RPS17: variants seen among roughly 807,000 people sequenced by gnomAD.
RPS17 encodes ribosomal protein S17.
For synonymous variants in RPS17, 75 were observed against 65.6 expected (o/e 1.14, Z -0.70); for missense variants, 68 against 182.3 (o/e 0.37, Z 3.61).
intron 4 of RPS17, chr15:82,538,029 G>A (rs1045948933): frequency 2.6e-5 from 13 of 508,464 alleles, no homozygotes; most frequent in Non-Finnish European, 4.3e-5. Flanking sequence ...CACAAAGGGG[G>A]CAACGTAAGC....
rs2150887104 is a variant in RPS17 at position 82,537,696 on chromosome 15, G to T, written c.327+610C>A. On this transcript the variant is annotated intron_variant, in intron 4 of 4. Transcript: ENST00000647841. ...GTAGCTGTACTGGTGATGTTTTTCT[G>T]AAGCTGGGAAAGTACATGTGAGTTC... 39 of 369,140 alleles carry T rather than the reference G, an allele frequency of 1.1e-4. 2 individuals carry two copies. The highest frequency in any genetic ancestry group is 8.1e-4 in the South Asian group (39 of 48,136). 22.9% of individuals were successfully genotyped at this position (369,140 alleles called of 1,614,324 possible). A position where few individuals can be genotyped will look rare whatever the true frequency, so the allele number is the denominator to read the frequency against.
At chr15:82,540,313 T>C (rs2034327412) in intron 1 of RPS17, 113 bp downstream of exon 1, 13 of 1,582,356 alleles carry the variant, frequency 8.2e-6, no homozygotes, top group South Asian at 2.3e-5. Context: ...CGCTCCAGCC[T>C]GACAGGGCTC....
intron 4 of RPS17, 108 bp from the exon 5 acceptor site, chr15:82,536,989 A>G (rs2034250693): frequency 1.5e-6 from 2 of 1,326,286 alleles, no homozygotes; most frequent in East Asian, 4.6e-5. Context: ...GGGGGTCCAG[A>G]GGCGACCTGA....
intron 4 of RPS17, chr15:82,537,905 T>C (rs983693481): frequency 4.6e-4 from 211 of 457,662 alleles, no homozygotes; most frequent in African/African-American, 4.0e-3. Flanking sequence ...ACTACCTAAG[T>C]AGTGCCTTGT....
At chr15:82,538,723 G>C (rs1595979294) in intron 3 of RPS17, 157 bp downstream of exon 3, 1 of 785,090 alleles carries the variant, frequency 1.3e-6, no homozygotes, top group African/African-American at 1.7e-5. Context: ...CAGAATGGAG[G>C]CTAAGAAACT....
chr15:82,537,714 G>T (rs891958219), intron 4 of RPS17: 6 of 383,704 alleles, frequency 1.6e-5, no homozygotes, highest in Non-Finnish European at 3.1e-5. Context: ...GAAAGTACAT[G>T]TGAGTTCATT....
chr15:82,536,782 A>T lies in RPS17; in HGVS notation c.*19T>A, dbSNP rs1026948232. On this transcript the variant is annotated 3_prime_UTR_variant, in exon 5 of 5. Transcript: ENST00000647841. ...TTGTCCCAGATTTATTGAAAATAAT[A>T]CAGCACTACAGAAAAAATTCAAACA... is the stretch of plus-strand genomic sequence containing the variant. The T allele has an allele frequency of 5.9e-5, 96 of 1,613,722 alleles. No homozygotes were observed. The African/African-American group carries it at 1.1e-3, about 19-fold the overall frequency.
Position 82,539,965 on chromosome 15 carries a change from G to A in RPS17, c.155+16C>T. 6.2e-7 allele frequency: 1 copy of A among 1,612,066 alleles called. No homozygotes were observed. ...CAGATCGCGGAGCCCCGGAGGCCGAGGAAGGCCCGACTCACCCTGCTATCT... is the reference window on the plus strand; with the variant it reads ...CAGATCGCGGAGCCCCGGAGGCCGAAGAAGGCCCGACTCACCCTGCTATCT... On this transcript the variant is annotated intron_variant, in intron 2 of 4. Transcript: ENST00000647841.
At chr15:82,537,679 A>G (rs1247408176) in intron 4 of RPS17, 1 of 367,536 alleles carries the variant, frequency 2.7e-6, no homozygotes, top group Non-Finnish European at 5.3e-6. Context: ...CTGTAGCTGT[A>G]CTGGTGATGT....
intron 1 of RPS17, 94 bp downstream of exon 1, chr15:82,540,332 C>A: frequency 6.3e-7 from 1 of 1,580,696 alleles, no homozygotes; most frequent in South Asian, 1.1e-5. Context: ...TCTGCGCCTT[C>A]CCGGCCCAGG....
chr15:82,539,424 A>T, intron 2 of RPS17: 1 of 460,400 alleles, frequency 2.2e-6, no homozygotes, highest in Non-Finnish European at 4.4e-6. Context: ...GAGGTGGCTC[A>T]CGCCTGTAAT....
At chr15:82,537,291 T>C (rs973263357) in intron 4 of RPS17, 10 of 306,566 alleles carry the variant, frequency 3.3e-5, no homozygotes, top group Non-Finnish European at 6.3e-6. Flanking sequence ...CCCTTAGAAG[T>C]TAGCAGGTAT....
intron 4 of RPS17, 41 bp from the exon 5 acceptor site, chr15:82,536,922 G>A (rs1175573235): frequency 6.2e-7 from 1 of 1,611,152 alleles, no homozygotes; most frequent in Non-Finnish European, 8.5e-7. Flanking sequence ...TTACTGGTGA[G>A]ATCTGTGAGT....
In RPS17 at chr15:82,540,366, C is replaced by T. The variant is rs2034329134; in HGVS notation, c.3+60G>A. The stretch of plus-strand genomic sequence containing the variant: ...GGGCCTCTCTGTGGGCTGAGGACCG[C>T]GGGAAGCTGCAGATGGGGGACGATT... On this transcript the variant is annotated intron_variant, in intron 1 of 4. Transcript: ENST00000647841. 3.2e-6 allele frequency: 5 copies of T among 1,586,292 alleles called. No homozygotes were observed. The South Asian group carries it at 3.4e-5, about 11-fold the overall frequency.
At position 82,539,384 on chromosome 15, in the gene RPS17, T is replaced by A. The variant is rs938729727; in HGVS notation, c.156-399A>T. 286 of 464,986 alleles carry A rather than the reference T, an allele frequency of 6.2e-4. 5 individuals are homozygous for A. In the East Asian group the frequency reaches 0.017, roughly 28 times the overall value. The allele number at this position is 464,986 out of a possible 1,614,324, so 28.8% of individuals were successfully genotyped here. On this transcript the variant is annotated intron_variant, in intron 2 of 4. Transcript: ENST00000647841. ...TCGAACAGTAACTGCAACTGTGAAG[T>A]AAGCATTAGAAGTTGACATCCAGCC...
At chr15:82,537,970 AAAGGAATGCCTTCACAG>A (rs1289394040) in intron 4 of RPS17, 1 of 468,188 alleles carries the variant, frequency 2.1e-6, no homozygotes, top group Non-Finnish European at 4.3e-6. Flanking sequence ...TGGAGACACC[AAAGGAATGCCTTCACAG>A]AAGAAAAGCA....
Position 82,539,835 on chromosome 15 carries a change from A to G in RPS17, c.155+146T>C, listed in dbSNP as rs1327992206. The G allele has an allele frequency of 4.3e-6, 6 of 1,391,858 alleles. No individual in the cohort carries two copies. The East Asian group carries it at 1.4e-4, about 32-fold the overall frequency. 86.2% of individuals were successfully genotyped at this position (1,391,858 alleles called of 1,614,324 possible). A position where few individuals can be genotyped will look rare whatever the true frequency, so the allele number is the denominator to read the frequency against. ...CCTAAGTTCACAACAGAAATCCTGCACACGCAGAGCTCTAGCCCTTCTCCG... is the reference window on the plus strand; with the variant it reads ...CCTAAGTTCACAACAGAAATCCTGCGCACGCAGAGCTCTAGCCCTTCTCCG... On this transcript the variant is annotated intron_variant, in intron 2 of 4. Transcript: ENST00000647841.
At chr15:82,539,074 CT>C in intron 2 of RPS17, 89 bp from the exon 3 acceptor site, 1 of 1,281,094 alleles carries the variant, frequency 7.8e-7, no homozygotes, top group Non-Finnish European at 1.1e-6. Context: ...TAAATACCCG[CT>C]TTAGTTCTTT....
At chr15:82,538,111 A>C (rs1208489045) in intron 4 of RPS17, 195 bp downstream of exon 4, 1 of 651,318 alleles carries the variant, frequency 1.5e-6, no homozygotes, top group African/African-American at 1.8e-5. Flanking sequence ...TTTGGGAATC[A>C]TGATCTTGTG....
Sources: gnomAD v4.1 joint callset for allele counts on GRCh38, gnomAD v4.1.1 for gene constraint, MANE v1.5 for transcripts, NCBI Gene and HGNC (gene_info 2026-07-23, HGNC 2026-07-21) for gene names.